MYLK: variants seen among roughly 807,000 people sequenced by gnomAD.
The protein encoded by MYLK is myosin light chain kinase, smooth muscle.
A neutral mutation model predicts 203.4 loss-of-function variants in MYLK; 106 were observed. That is an observed-to-expected ratio of 0.52 (90% confidence interval 0.45 to 0.61). The LOEUF is 0.61. MYLK is among the 20% of genes least tolerant of loss of function. The pLI is 0.00. For missense variants in MYLK, 2,072 were observed against 2,442.3 expected (o/e 0.85, Z 3.20); for synonymous variants, 867 against 959.5 (o/e 0.90, Z 1.78).
Position 123,747,685 on chromosome 3 carries a change from T to G in MYLK, c.373+4646A>C, listed in dbSNP as rs2063063584. 3.3e-5 allele frequency among the ~76,000 whole-genome samples: 5 copies of G among 152,232 alleles called. No individual in the cohort carries two copies. In the South Asian group the frequency reaches 1.0e-3, roughly 32 times the overall value. ...ATCAGCATCTGCATTTCAACCAGAT[T>G]CGCCAGGTGATTTCTGTGCACATGC... On this transcript the variant is annotated intron_variant, in intron 5 of 33. Transcript: ENST00000360304.
At position 123,752,478 on chromosome 3, in the gene MYLK, C is replaced by G; in HGVS notation, c.226G>C (p.Gly76Arg). The change falls in exon 5 of 34, where the codon GGG (glycine) becomes CGG (arginine). Residue 76 changes from glycine to arginine, a missense_variant. Around this residue, in one of 3 missense-constraint regions of MYLK, gnomAD observed 683 missense variants for 643.8 expected, o/e 1.06. Transcript: ENST00000360304. ...WHRNGQPITS[G>R]GRFLLDCGIR... Reference sequence around the variant, plus strand: ...CCGCAATCCAGCAGGAAGCGGCCCCCGCTGGTGATGGGTTGCCCGTTTCTG... The same window carrying G: ...CCGCAATCCAGCAGGAAGCGGCCCCGGCTGGTGATGGGTTGCCCGTTTCTG... 6.2e-7 allele frequency: 1 copy of G among 1,614,170 alleles called. No individual in the cohort carries two copies. Among genetic ancestry groups the G allele is most frequent in the Non-Finnish European group, 8.5e-7 (1 of 1,180,034 alleles).
At chr3:123,638,750 C>T (rs2058733245) in intron 28 of MYLK, 3 of 985,296 alleles carry the variant, frequency 3.0e-6, no homozygotes, top group African/African-American at 3.5e-5. Flanking sequence ...CCTCCTGCCT[C>T]TCCTACTCCT....
intron 31 of MYLK, chr3:123,620,593 A>G: frequency 7.8e-7 from 1 of 1,276,766 alleles, no homozygotes; most frequent in Non-Finnish European, 1.0e-6. Flanking sequence ...AAACAAGGTC[A>G]ACATGAGACA....
intron 20 of MYLK, among the ~76,000 whole-genome samples, chr3:123,676,058 G>A (rs1252572632): frequency 6.6e-6 from 1 of 152,270 alleles, no homozygotes; most frequent in Non-Finnish European, 1.5e-5. Flanking sequence ...CAGAGCATCA[G>A]GATGGTTGTG....
At chr3:123,856,999 C>T (rs1351155548) in intron 2 of MYLK, among the ~76,000 whole-genome samples, 1 of 152,162 alleles carries the variant, frequency 6.6e-6, no homozygotes, top group Non-Finnish European at 1.5e-5. Context: ...CATGAACAGA[C>T]ATTTCTCAAA....
rs371553515 is a variant in MYLK, at chr3:123,667,743, A to T, written c.3653-556T>A. ...GAAAGGGTCTCTGAAGCCTCCAATGAGATTAAAAACTCTCTAAAATGCTCG... is the reference window on the plus strand; with the variant it reads ...GAAAGGGTCTCTGAAGCCTCCAATGTGATTAAAAACTCTCTAAAATGCTCG... On this transcript the variant is annotated intron_variant, in intron 20 of 33. Coordinates refer to ENST00000360304, the MANE Select transcript of MYLK (RefSeq NM_053025.4). Among the ~76,000 whole-genome samples, 3 of 152,196 alleles carry T rather than the reference A, an allele frequency of 2.0e-5. No individual in the cohort carries two copies. In the South Asian group the frequency reaches 6.2e-4, roughly 31 times the overall value.
chr3:123,763,688 T>C (rs1355720818), intron 4 of MYLK, among the ~76,000 whole-genome samples: 1 of 152,206 alleles, frequency 6.6e-6, no homozygotes, highest in Admixed American at 6.5e-5. Flanking sequence ...ATCTGTGAAC[T>C]ATTATGTGTG....
chr3:123,662,944 C>T (rs2059613050), intron 23 of MYLK, among the ~76,000 whole-genome samples: 1 of 152,098 alleles, frequency 6.6e-6, no homozygotes, highest in Non-Finnish European at 1.5e-5. Context: ...ACAAATGTAC[C>T]CTATAAGCTT....
At chr3:123,707,637 C>T in intron 16 of MYLK, 117 bp downstream of exon 16, 2 of 1,531,618 alleles carry the variant, frequency 1.3e-6, no homozygotes, top group Non-Finnish European at 1.8e-6. Context: ...CTTGCTTTAC[C>T]TGGAAGTCCA....
intron 15 of MYLK, 25 bp downstream of exon 15, chr3:123,708,673 C>A: frequency 6.2e-7 from 1 of 1,613,770 alleles, no homozygotes; most frequent in Non-Finnish European, 8.5e-7. Context: ...CTCCTTCCCA[C>A]TCGCTCTGAG....
intron 29 of MYLK, among the ~76,000 whole-genome samples, chr3:123,637,693 G>A (rs369370138): frequency 7.9e-4 from 120 of 152,182 alleles, no homozygotes; most frequent in African/African-American, 2.8e-3. Flanking sequence ...CCAGAGATTC[G>A]CCCCTGGCCT....
intron 24 of MYLK, among the ~76,000 whole-genome samples, chr3:123,655,048 TG>T (rs1372847328): frequency 6.6e-6 from 1 of 152,170 alleles, no homozygotes; most frequent in Non-Finnish European, 1.5e-5. Context: ...GTCCTTTTCC[TG>T]TTCTTCACAT....
chr3:123,842,423 ATCT>A (rs2066616595), intron 2 of MYLK, among the ~76,000 whole-genome samples: 3 of 152,126 alleles, frequency 2.0e-5, no homozygotes, highest in African/African-American at 4.8e-5. Flanking sequence ...ATTTAATCCA[ATCT>A]CACAATTATT....
At chr3:123,683,600 G>A (rs984536524) in intron 19 of MYLK, among the ~76,000 whole-genome samples, 3 of 152,098 alleles carry the variant, frequency 2.0e-5, no homozygotes, top group Non-Finnish European at 4.4e-5. Flanking sequence ...TCATCACCCC[G>A]ATAGGCTTTC....
intron 31 of MYLK, chr3:123,624,344 AT>A (rs2058032777): frequency 6.6e-6 from 1 of 150,544 alleles, no homozygotes. Context: ...AAAAAAAAAA[AT>A]CAGCACCACT....
rs146112057 is a variant in MYLK, at chr3:123,739,939, C to G, written c.422+14G>C. ...AATCCAACCCTTACTCTGTCTTGAA[C>G]ATCCAGGACTTACCCTAAGGTTTTG... On this transcript the variant is annotated intron_variant, in intron 6 of 33. Coordinates refer to ENST00000360304, the MANE Select transcript of MYLK (RefSeq NM_053025.4). 6.9e-4 allele frequency: 1,117 copies of G among 1,613,798 alleles called. 6 individuals are homozygous for G. The African/African-American group carries it at 0.013, about 19-fold the overall frequency.
At chr3:123,831,327 G>C in intron 3 of MYLK, 1 of 1,261,082 alleles carries the variant, frequency 7.9e-7, no homozygotes, top group South Asian at 1.3e-5. Context: ...ACCTTCGCCA[G>C]TTCAAGAATT....
chr3:123,857,607 T>G (rs1419585518), intron 2 of MYLK, among the ~76,000 whole-genome samples: 1 of 130,822 alleles, frequency 7.6e-6, no homozygotes, highest in Non-Finnish European at 1.5e-5. Context: ...TGAGAACACA[T>G]GGACACAGGA....
rs879151680 is a variant in MYLK at position 123,629,426 on chromosome 3, C to T, written c.5114+48G>A. 3 of 1,612,466 alleles carry T rather than the reference C, an allele frequency of 1.9e-6. No homozygotes were observed. Among genetic ancestry groups the T allele is most frequent in the Non-Finnish European group, 2.5e-6 (3 of 1,179,058 alleles). On this transcript the variant is annotated intron_variant, in intron 30 of 33. Coordinates refer to ENST00000360304, the MANE Select transcript of MYLK (RefSeq NM_053025.4). This position sits in a 1 kb window ranked among gnomAD's most constrained non-coding sequence, Gnocchi z 4.4. ...AAAGGAATCCCCCTTTGCTTCCCAA[C>T]ACAGGGCAGGGAGTAGGGAAGCAAA...
Sources: allele counts gnomAD v4.1 joint callset (sites outside exome capture counted in the v4.1 genomes callset), GRCh38; gene constraint gnomAD v4.1.1; regional missense constraint gnomAD v4.1.1; non-coding constraint Gnocchi (gnomAD v3.1); transcripts MANE v1.5; gene names NCBI Gene and HGNC (gene_info 2026-07-23, HGNC 2026-07-21).